The following SUMF1 variants were observed in gnomAD, a reference collection of about 807,000 sequenced individuals.
SUMF1 encodes the protein formylglycine-generating enzyme.
Under a neutral mutation model 47.6 loss-of-function variants are expected in SUMF1, and 48 were observed. That is an observed-to-expected ratio of 1.01 (90% CI 0.80 to 1.28). The LOEUF (loss-of-function observed/expected upper bound fraction) is 1.28, where lower values mean the gene tolerates loss of function less well. Among genes scored for constraint, SUMF1 ranks in the 50% most tolerant of loss-of-function variants. The probability of loss-of-function intolerance (pLI) is 0.00; values close to 1 mark genes in which losing one functional copy is unlikely to be tolerated. For synonymous variants in SUMF1, 230 were observed against 192.1 expected (o/e 1.20, Z -1.63); for missense variants, 571 against 485.4 (o/e 1.18, Z -1.66).
intron 8 of SUMF1, among the ~76,000 whole-genome samples, chr3:4,176,626 T>C (rs1174416291): frequency 6.6e-6 from 1 of 152,132 alleles, no homozygotes; most frequent in Non-Finnish European, 1.5e-5. Context: ...AGAAACTACA[T>C]CAATTAACAG....
chr3:4,167,921 G>C (rs145088316), intron 8 of SUMF1, among the ~76,000 whole-genome samples: 1 of 152,260 alleles, frequency 6.6e-6, no homozygotes, highest in Admixed American at 6.5e-5. Flanking sequence ...GCATCTCTTT[G>C]TCACTTGCTT....
At chr3:4,109,285 G>A (rs1471519138) in intron 8 of SUMF1, among the ~76,000 whole-genome samples, 1 of 152,132 alleles carries the variant, frequency 6.6e-6, no homozygotes, top group African/African-American at 2.4e-5. Context: ...AGTTTCTGCA[G>A]AGAGATCCGC....
chr3:4,450,383 G>T (rs1702929001), intron 2 of SUMF1, among the ~76,000 whole-genome samples: 1 of 152,020 alleles, frequency 6.6e-6, no homozygotes, highest in Non-Finnish European at 1.5e-5. Context: ...CTGAGTACTG[G>T]ATCCTTATAT....
chr3:4,137,494 G>T (rs891537743), intron 8 of SUMF1, among the ~76,000 whole-genome samples: 1 of 151,890 alleles, frequency 6.6e-6, no homozygotes, highest in Non-Finnish European at 1.5e-5. Flanking sequence ...AAGGGGGCGG[G>T]AGAGCATTAG....
intron 2 of SUMF1, among the ~76,000 whole-genome samples, chr3:4,451,477 C>T (rs1702966553): frequency 6.6e-6 from 1 of 152,024 alleles, no homozygotes; most frequent in Non-Finnish European, 1.5e-5. Flanking sequence ...TGACAAAAAC[C>T]GTAATTACTT....
At chr3:4,193,037 G>A (rs1400864691) in intron 8 of SUMF1, among the ~76,000 whole-genome samples, 3 of 151,978 alleles carry the variant, frequency 2.0e-5, no homozygotes, top group African/African-American at 7.2e-5. Flanking sequence ...TTCAATTAAT[G>A]TTTTTTAAAT....
At chr3:4,166,669 G>A (rs1266036526) in intron 8 of SUMF1, among the ~76,000 whole-genome samples, 1 of 152,140 alleles carries the variant, frequency 6.6e-6, no homozygotes, top group Non-Finnish European at 1.5e-5. Context: ...GACCCAGGAG[G>A]CAAGGGTCAG....
intron 8 of SUMF1, among the ~76,000 whole-genome samples, chr3:4,135,561 C>A (rs1439834829): frequency 6.6e-6 from 1 of 152,080 alleles, no homozygotes; most frequent in African/African-American, 2.4e-5. Flanking sequence ...TGAAAACTGG[C>A]ACAAGACAGG....
chr3:4,244,929 C>T (rs1016154453), intron 8 of SUMF1, among the ~76,000 whole-genome samples: 6 of 151,940 alleles, frequency 3.9e-5, no homozygotes, highest in Admixed American at 3.9e-4. Flanking sequence ...AGGCTTCGTT[C>T]GTTTTTGGGT....
intron 8 of SUMF1, among the ~76,000 whole-genome samples, chr3:4,257,988 C>A (rs1260836432): frequency 6.6e-6 from 1 of 152,008 alleles, no homozygotes; most frequent in Non-Finnish European, 1.5e-5. Flanking sequence ...CTTTGACAAA[C>A]CTGACAAAAA....
intron 3 of SUMF1, among the ~76,000 whole-genome samples, chr3:4,438,072 T>C (rs192002709): frequency 2.0e-5 from 3 of 152,124 alleles, no homozygotes; most frequent in Non-Finnish European, 4.4e-5. Flanking sequence ...AAGATAAAAA[T>C]CATTATCAAA....
At chr3:4,355,795 A>G (rs1252957753) in intron 8 of SUMF1, among the ~76,000 whole-genome samples, 5 of 152,196 alleles carry the variant, frequency 3.3e-5, no homozygotes, top group African/African-American at 1.2e-4. Context: ...CTGAACTGGA[A>G]TCGCCTTCTT....
chr3:4,139,567 CAT>C (rs1491156090), intron 8 of SUMF1, among the ~76,000 whole-genome samples: 40 of 112,284 alleles, frequency 3.6e-4, no homozygotes, highest in Middle Eastern at 5.1e-3. Flanking sequence ...TATATATATG[CAT>C]GTGTGTGTGT....
intron 8 of SUMF1, among the ~76,000 whole-genome samples, chr3:4,129,888 T>G (rs4458350): frequency 0.73 from 110,965 of 151,964 alleles, 40,603 homozygotes; most frequent in Admixed American, 0.78. Context: ...TTCCCCAGTG[T>G]CAGAATGCAT....
intron 9 of SUMF1, among the ~76,000 whole-genome samples, chr3:4,065,002 A>G (rs1695344833): frequency 6.6e-6 from 1 of 152,168 alleles, no homozygotes; most frequent in Non-Finnish European, 1.5e-5. Context: ...ATGTAAATAA[A>G]AAAGCAAGGT....
chr3:4,389,931 G>A (rs575917971), intron 7 of SUMF1, among the ~76,000 whole-genome samples: 3 of 152,196 alleles, frequency 2.0e-5, no homozygotes, highest in South Asian at 4.2e-4. Context: ...AATCTTTGCT[G>A]GGTAAGTCTA....
intron 8 of SUMF1, among the ~76,000 whole-genome samples, chr3:4,178,293 T>C (rs1254614742): frequency 6.6e-6 from 1 of 152,118 alleles, no homozygotes; most frequent in Non-Finnish European, 1.5e-5. Context: ...AAATCCTCAA[T>C]AAAATACTGG....
intron 8 of SUMF1, among the ~76,000 whole-genome samples, chr3:4,335,081 G>A (rs1019331785): frequency 2.0e-5 from 3 of 152,116 alleles, no homozygotes; most frequent in African/African-American, 7.2e-5. Context: ...CAGCTGCAGG[G>A]ATTTCAGTTG....
intron 8 of SUMF1, among the ~76,000 whole-genome samples, chr3:4,194,794 A>G (rs971941425): frequency 6.6e-6 from 1 of 152,192 alleles, no homozygotes; most frequent in African/African-American, 2.4e-5. Context: ...GCACCCATTA[A>G]TACGGTCAAT....
Sources: gnomAD v4.1 joint callset for allele counts (sites outside exome capture counted in the v4.1 genomes callset) on GRCh38, gnomAD v4.1.1 for gene constraint, MANE v1.5 for transcripts, NCBI Gene and HGNC (gene_info 2026-07-23, HGNC 2026-07-21) for gene names.